Variants in CREG2 observed in about 807,000 individuals in gnomAD.
The protein encoded by CREG2 is cellular repressor of E1A stimulated genes 2, also known as protein CREG2.
Under a neutral mutation model 26.2 loss-of-function variants are expected in CREG2, and 24 were observed. That is an observed-to-expected ratio of 0.92 (90% CI 0.66 to 1.29). CREG2 has a LOEUF of 1.29. Ranked by LOEUF, CREG2 falls within the 50% of genes most tolerant of loss-of-function variation. The probability of loss-of-function intolerance (pLI) is 0.00; values close to 1 mark genes in which losing one functional copy is unlikely to be tolerated. For missense variants in CREG2, 366 were observed against 398.6 expected, an observed-to-expected ratio of 0.92 and a Z score of 0.70; for synonymous variants, 174 against 169.2, an observed-to-expected ratio of 1.03 and a Z score of -0.22.
chr2:101,370,783 T>C (rs1233351657), intron 2 of CREG2, among the ~76,000 whole-genome samples: 1 of 152,006 alleles, frequency 6.6e-6, no homozygotes, highest in East Asian at 1.9e-4. Context: ...CCCAGCAGGG[T>C]CAGGCTGGCC....
intron 2 of CREG2, among the ~76,000 whole-genome samples, chr2:101,360,164 T>G (rs965986752): frequency 6.6e-6 from 1 of 152,198 alleles, no homozygotes; most frequent in African/African-American, 2.4e-5. Flanking sequence ...AAAATGTTGA[T>G]TTACTGGGCA....
intron 3 of CREG2, among the ~76,000 whole-genome samples, chr2:101,351,830 G>T (rs891369559): frequency 7.2e-5 from 11 of 152,164 alleles, no homozygotes; most frequent in African/African-American, 2.6e-4. Context: ...AGTCCAAACT[G>T]GGAAAAACAT....
At position 101,358,991 on chromosome 2, in the gene CREG2, C is replaced by T. The variant is rs1344779622; in HGVS notation, c.612-3625G>A. On this transcript the variant is annotated intron_variant, in intron 2 of 3. Coordinates refer to ENST00000324768, the MANE Select transcript of CREG2 (RefSeq NM_153836.4). ...CGGAGCTTGCAGTGAGCCGAGATCC[C>T]GCCACTGCACTCCAGCCTGGGCGAC... Among the ~76,000 whole-genome samples the T allele has an allele frequency of 8.0e-5, 2 of 25,124 alleles. 1 individual carries two copies. Among genetic ancestry groups the T allele is most frequent in the African/African-American group, 1.4e-4 (2 of 13,848 alleles). 16.5% of individuals were successfully genotyped at this position (25,124 alleles called of 152,430 possible).
intron 1 of CREG2, 47 bp from the exon 2 acceptor site, chr2:101,383,749 ACTT>A: frequency 6.6e-7 from 1 of 1,517,024 alleles, no homozygotes. Context: ...CTGTGGCTCG[ACTT>A]GATCTGGGAG....
chr2:101,354,902 G>A (rs957388383), intron 3 of CREG2, among the ~76,000 whole-genome samples: 10 of 152,184 alleles, frequency 6.6e-5, no homozygotes, highest in Admixed American at 1.3e-4. Flanking sequence ...GAAACGCTGC[G>A]CTGGCATCCC....
chr2:101,349,369 A>G lies in CREG2; in HGVS notation c.*1554T>C, dbSNP rs1009356469. 6.6e-6 allele frequency: 1 copy of G among 152,634 alleles called. No homozygotes were observed. The highest frequency in any genetic ancestry group is 2.4e-5 in the African/African-American group (1 of 41,456). The allele number at this position is 152,634 out of a possible 1,614,324, so 9.5% of individuals were successfully genotyped here. ...CTTACTATGTTTTTAGCAATAGATA[A>G]TTAAAATATATTTTGACAACTCAAG... On this transcript the variant is annotated 3_prime_UTR_variant, in exon 4 of 4. Transcript: ENST00000324768.
chr2:101,351,748 T>C (rs1052871580), intron 3 of CREG2, among the ~76,000 whole-genome samples: 1 of 152,180 alleles, frequency 6.6e-6, no homozygotes, highest in African/African-American at 2.4e-5. Flanking sequence ...GGCTGTGGCT[T>C]ACTTCTTTTT....
At chr2:101,354,253 T>C (rs1256662637) in intron 3 of CREG2, among the ~76,000 whole-genome samples, 1 of 152,070 alleles carries the variant, frequency 6.6e-6, no homozygotes, top group East Asian at 1.9e-4. Flanking sequence ...GTTTAAAAGC[T>C]AGCAATAAAA....
Position 101,355,427 on chromosome 2 carries a change from T to A in CREG2, c.612-61A>T, listed in dbSNP as rs1684442511. 8 of 1,050,068 alleles carry A rather than the reference T, an allele frequency of 7.6e-6. No individual in the cohort carries two copies. In the East Asian group the frequency reaches 1.9e-4, roughly 26 times the overall value. The allele number at this position is 1,050,068 out of a possible 1,614,324, so 65.0% of individuals were successfully genotyped here. ...AGGACAGAACATCAGCCAGCAATTC[T>A]AACGATTTTATAAACTTAAAAATAG... is the stretch of plus-strand genomic sequence containing the variant. On this transcript the variant is annotated intron_variant, in intron 2 of 3. Coordinates refer to ENST00000324768, the MANE Select transcript of CREG2 (RefSeq NM_153836.4).
intron 2 of CREG2, among the ~76,000 whole-genome samples, chr2:101,379,041 C>CA (rs1413351962): frequency 6.6e-6 from 1 of 152,000 alleles, no homozygotes; most frequent in East Asian, 1.9e-4. Flanking sequence ...GAGAGATCAC[C>CA]AACCTAGTAC....
intron 2 of CREG2, among the ~76,000 whole-genome samples, chr2:101,366,813 C>A (rs1439414891): frequency 6.6e-6 from 1 of 152,060 alleles, no homozygotes; most frequent in Non-Finnish European, 1.5e-5. Context: ...CAGAGTGAGA[C>A]TCTGTCTCAA....
chr2:101,351,974 C>T (rs979897858), intron 3 of CREG2, among the ~76,000 whole-genome samples: 2 of 152,006 alleles, frequency 1.3e-5, no homozygotes, highest in Non-Finnish European at 2.9e-5. Flanking sequence ...CAGCCTCGAT[C>T]TCCTGGGCTC....
At chr2:101,383,121 G>T in intron 2 of CREG2, 1 of 504,952 alleles carries the variant, frequency 2.0e-6, no homozygotes, top group Non-Finnish European at 2.6e-6. Flanking sequence ...ACAATATATA[G>T]ACTCTGTGTT....
chr2:101,381,651 CAAG>C (rs1684876194), intron 2 of CREG2, among the ~76,000 whole-genome samples: 1 of 152,204 alleles, frequency 6.6e-6, no homozygotes, highest in South Asian at 2.1e-4. Context: ...AACAGTTTTA[CAAG>C]AAGACATAAA....
chr2:101,378,177 C>T (rs767585557), intron 2 of CREG2, among the ~76,000 whole-genome samples: 1 of 152,184 alleles, frequency 6.6e-6, no homozygotes, highest in African/African-American at 2.4e-5. Flanking sequence ...TTCTATGAGT[C>T]GACTTATTTA....
chr2:101,377,144 G>T (rs890585862), intron 2 of CREG2, among the ~76,000 whole-genome samples: 9 of 151,918 alleles, frequency 5.9e-5, no homozygotes, highest in African/African-American at 9.7e-5. Context: ...GTGATAAATT[G>T]TTATTTTTTT....
At chr2:101,386,091 G>A (rs971672476) in intron 1 of CREG2, among the ~76,000 whole-genome samples, 4 of 152,120 alleles carry the variant, frequency 2.6e-5, no homozygotes, top group African/African-American at 7.2e-5. Flanking sequence ...TGCCAAACTC[G>A]AAATAAAGTT....
At chr2:101,382,875 C>T (rs900704475) in intron 2 of CREG2, 9 of 985,384 alleles carry the variant, frequency 9.1e-6, no homozygotes, top group Admixed American at 6.1e-5. Flanking sequence ...CTGGGAAGGA[C>T]GAGGGGATCT....
chr2:101,387,269 T>C lies in CREG2; in HGVS notation c.189A>G (p.Leu63=), dbSNP rs2104491616. The C allele has an allele frequency of 2.0e-6, 3 of 1,476,918 alleles. No individual in the cohort carries two copies. The highest frequency in any genetic ancestry group is 1.5e-5 in the African/African-American group (1 of 68,862). The allele number at this position is 1,476,918 out of a possible 1,614,324, so 91.5% of individuals were successfully genotyped here. ...ASTEEAMPAL[L]EDSGSIWQQS... is the part of the protein sequence containing the mutation. ...GCTGCCAGATGCTGCCCGAATCCTC[T>C]AGCAGCGCGGGCATAGCCTCCTCAG... The change falls in exon 1 of 4, where the codon CTA becomes CTG. Residue 63 remains leucine (L), a synonymous_variant. Coordinates refer to ENST00000324768, the MANE Select transcript of CREG2 (RefSeq NM_153836.4). This position sits in a 1 kb window ranked among gnomAD's most constrained non-coding sequence, Gnocchi z 4.7.
Sources: allele counts gnomAD v4.1 joint callset (sites outside exome capture counted in the v4.1 genomes callset), GRCh38; gene constraint gnomAD v4.1.1; non-coding constraint Gnocchi (gnomAD v3.1); transcripts MANE v1.5; gene names NCBI Gene and HGNC (gene_info 2026-07-23, HGNC 2026-07-21).